Variants in STAP1 observed in about 807,000 individuals in gnomAD.
STAP1 encodes the protein signal transducing adaptor family member 1, also known as signal-transducing adaptor protein 1.
A neutral mutation model predicts 37.8 loss-of-function variants in STAP1; 30 were observed. The observed-to-expected ratio is 0.79, with a 90% CI of 0.59 to 1.08. The LOEUF is 1.08. STAP1 is among the 50% of genes least tolerant of loss of function. STAP1 has a pLI of 0.00. For missense variants in STAP1, 357 were observed against 349.4 expected, an observed-to-expected ratio of 1.02 and a Z score of -0.17; for synonymous variants, 130 against 116.0, an observed-to-expected ratio of 1.12 and a Z score of -0.78.
intron 3 of STAP1, among the ~76,000 whole-genome samples, chr4:67,576,078 C>A (rs1282789016): frequency 6.6e-6 from 1 of 152,150 alleles, no homozygotes; most frequent in Non-Finnish European, 1.5e-5. Flanking sequence ...ATTAGTTATT[C>A]ATTCATTGTG....
chr4:67,569,769 G>T (rs937433600), intron 1 of STAP1, among the ~76,000 whole-genome samples: 3 of 151,878 alleles, frequency 2.0e-5, no homozygotes, highest in Non-Finnish European at 2.9e-5. Context: ...TCGCTCTGTC[G>T]CCCAGGCTGG....
chr4:67,562,141 GT>G (rs537306085), intron 1 of STAP1, among the ~76,000 whole-genome samples: 1 of 147,546 alleles, frequency 6.8e-6, no homozygotes, highest in Non-Finnish European at 1.5e-5. Context: ...ATAAGAGATA[GT>G]TTGGGCAACG....
At position 67,578,741 on chromosome 4, in the gene STAP1, T is replaced by G. The variant is rs188508101; in HGVS notation, c.363+1482T>G. Among the ~76,000 whole-genome samples the G allele has an allele frequency of 5.8e-3, 880 of 152,324 alleles. 8 individuals carry two copies. Among genetic ancestry groups the G allele is most frequent in the African/African-American group, 0.02 (850 of 41,564 alleles). Reference sequence around the variant, plus strand: ...TTGGCCAAACATTTTGTTTTTAGTTTCTTTCCTGGAGTAAAAATAAAAAGC... The same window carrying G: ...TTGGCCAAACATTTTGTTTTTAGTTGCTTTCCTGGAGTAAAAATAAAAAGC... On this transcript the variant is annotated intron_variant, in intron 4 of 8. Transcript: ENST00000265404.
At chr4:67,568,980 C>A (rs922980909) in intron 1 of STAP1, among the ~76,000 whole-genome samples, 2 of 152,194 alleles carry the variant, frequency 1.3e-5, no homozygotes, top group African/African-American at 4.8e-5. Context: ...TGATGAGTCA[C>A]TTAACAATGG....
chr4:67,574,372 T>C (rs1242340510), intron 2 of STAP1, among the ~76,000 whole-genome samples: 3 of 152,138 alleles, frequency 2.0e-5, no homozygotes, highest in Non-Finnish European at 4.4e-5. Flanking sequence ...AAATATGATA[T>C]TTGACATGAA....
intron 2 of STAP1, among the ~76,000 whole-genome samples, chr4:67,573,796 A>G (rs1727657523): frequency 6.6e-6 from 1 of 152,164 alleles, no homozygotes; most frequent in East Asian, 1.9e-4. Flanking sequence ...TACTCAGAAA[A>G]ATAAGACTTA....
chr4:67,605,829 A>G (rs763368297), intron 8 of STAP1, among the ~76,000 whole-genome samples: 2 of 152,206 alleles, frequency 1.3e-5, no homozygotes, highest in Non-Finnish European at 2.9e-5. Context: ...CAAACTTGGG[A>G]AATGGGAGTT....
rs746179743 is a variant in STAP1 at position 67,590,970 on chromosome 4, G to T, written c.729+17G>T. On this transcript the variant is annotated intron_variant, in intron 7 of 8. Coordinates refer to ENST00000265404, the MANE Select transcript of STAP1 (RefSeq NM_012108.4). ...GAAAAACCTGTAAGTAACTATTTTT[G>T]TTGTTGTTGATGAACTTCCTCCCGA... is the stretch of plus-strand genomic sequence containing the variant. The T allele has an allele frequency of 1.2e-6, 2 of 1,602,250 alleles. No individual in the cohort carries two copies. The highest frequency in any genetic ancestry group is 1.7e-6 in the Non-Finnish European group (2 of 1,171,604).
intron 1 of STAP1, among the ~76,000 whole-genome samples, chr4:67,559,158 T>C (rs1386705417): frequency 6.6e-6 from 1 of 152,144 alleles, no homozygotes; most frequent in Non-Finnish European, 1.5e-5. Flanking sequence ...GGTTGTAATA[T>C]TAAGGCACTA....
In STAP1 at chr4:67,581,316, C is replaced by T. The variant is rs1727849938; in HGVS notation, c.375C>T (p.Pro125=). ...TTAATTGGTTTCAGCTGTCAGTTCC[C>T]CAAAACGTGTCACTCCTACCTGGGC... is the stretch of plus-strand genomic sequence containing the variant. The part of the protein sequence containing the change: ...FILTVTELSV[P]QNVSLLPGQV... Residue 125 remains proline (P), a synonymous_variant, in exon 5 of 9, where the codon CCC becomes CCT. Transcript: ENST00000265404. 1 of 1,611,358 alleles carries T rather than the reference C, an allele frequency of 6.2e-7. No individual in the cohort carries two copies. Among genetic ancestry groups the T allele is most frequent in the African/African-American group, 1.3e-5 (1 of 74,854 alleles).
intron 8 of STAP1, among the ~76,000 whole-genome samples, chr4:67,594,621 A>G (rs1394912881): frequency 6.6e-6 from 1 of 152,214 alleles, no homozygotes; most frequent in Non-Finnish European, 1.5e-5. Context: ...TTGAAACAAT[A>G]CGACTTAAAA....
chr4:67,588,475 G>A (rs1012353343), intron 6 of STAP1, among the ~76,000 whole-genome samples: 1 of 151,940 alleles, frequency 6.6e-6, no homozygotes, highest in African/African-American at 2.4e-5. Context: ...AGTGGTGCGA[G>A]CTCGGCTCAC....
At chr4:67,596,851 T>C (rs1287928097) in intron 8 of STAP1, among the ~76,000 whole-genome samples, 1 of 152,168 alleles carries the variant, frequency 6.6e-6, no homozygotes, top group Admixed American at 6.5e-5. Flanking sequence ...TGGTTTGAAA[T>C]TGGAACTTAT....
At chr4:67,560,152 T>G (rs1184520319) in intron 1 of STAP1, among the ~76,000 whole-genome samples, 1 of 152,210 alleles carries the variant, frequency 6.6e-6, no homozygotes, top group Admixed American at 6.5e-5. Context: ...TAACTGTTTA[T>G]GATAGCAGTT....
intron 2 of STAP1, among the ~76,000 whole-genome samples, chr4:67,571,427 A>C (rs1230188786): frequency 6.6e-6 from 1 of 152,196 alleles, no homozygotes; most frequent in African/African-American, 2.4e-5. Flanking sequence ...AAAAAGTGAA[A>C]ATTTTTGACA....
intron 8 of STAP1, among the ~76,000 whole-genome samples, chr4:67,596,559 A>G (rs548915356): frequency 2.0e-5 from 3 of 152,336 alleles, no homozygotes; most frequent in Admixed American, 6.5e-5. Context: ...CTTATTGAAT[A>G]GTTTTGACCA....
chr4:67,562,762 A>C (rs931732604), intron 1 of STAP1, among the ~76,000 whole-genome samples: 2 of 151,900 alleles, frequency 1.3e-5, no homozygotes, highest in East Asian at 1.9e-4. Context: ...ACAGAGGGAG[A>C]CTCCATCTCA....
intron 1 of STAP1, among the ~76,000 whole-genome samples, chr4:67,569,601 ATTCT>A (rs759257276): frequency 2.0e-5 from 3 of 152,124 alleles, no homozygotes; most frequent in African/African-American, 7.2e-5. Context: ...TATTTTTAAA[ATTCT>A]TTATTTTATT....
rs768088272 is a variant in STAP1, at chr4:67,581,376, A to G, written c.435A>G (p.Glu145=). 9.3e-6 allele frequency: 15 copies of G among 1,614,150 alleles called. No individual in the cohort carries two copies. The highest frequency in any genetic ancestry group is 1.1e-5 in the Non-Finnish European group (13 of 1,179,988). Residue 145 remains glutamate (E), a synonymous_variant, in exon 5 of 9, where the codon GAA becomes GAG. Transcript: ENST00000265404. ...VIKLHEVLER[E]KKRRIETEQS... ...AACTGCATGAAGTCCTAGAGAGAGAAAAGAAAAGGAGGATTGAGACAGAGC... is the reference window on the plus strand; with the variant it reads ...AACTGCATGAAGTCCTAGAGAGAGAGAAGAAAAGGAGGATTGAGACAGAGC...
Sources: allele counts gnomAD v4.1 joint callset (sites outside exome capture counted in the v4.1 genomes callset), GRCh38; gene constraint gnomAD v4.1.1; transcripts MANE v1.5; gene names NCBI Gene and HGNC (gene_info 2026-07-23, HGNC 2026-07-21).